ZWILCH: variants seen among roughly 807,000 people sequenced by gnomAD.
ZWILCH encodes protein zwilch homolog.
Under a neutral mutation model 79.9 loss-of-function variants are expected in ZWILCH, and 74 were observed. The ratio of observed to expected loss-of-function variants is 0.93; its 90% confidence interval spans 0.77 to 1.12. The LOEUF (loss-of-function observed/expected upper bound fraction) is 1.12, where lower values mean the gene tolerates loss of function less well. Ranked by LOEUF, ZWILCH falls within the 50% of genes most tolerant of loss-of-function variation. The pLI, the probability that ZWILCH is intolerant of heterozygous loss-of-function variation, is 0.00. For synonymous variants in ZWILCH, 241 were observed against 228.2 expected, an observed-to-expected ratio of 1.06 and a Z score of -0.51; for missense variants, 694 against 687.5, an observed-to-expected ratio of 1.01 and a Z score of -0.11.
chr15:66,521,483 C>T lies in ZWILCH; in HGVS notation c.747+278C>T, dbSNP rs144805977. Reference sequence around the variant, plus strand: ...TTTTGAGTGGTGGCTCAAGTGAATCCGTGTTTTTGTTTGTTTGTTTGTTTT... The same window carrying T: ...TTTTGAGTGGTGGCTCAAGTGAATCTGTGTTTTTGTTTGTTTGTTTGTTTT... On this transcript the variant is annotated intron_variant, in intron 7 of 18. Coordinates refer to ENST00000307897, the MANE Select transcript of ZWILCH (RefSeq NM_017975.5). Among the ~76,000 whole-genome samples the T allele has an allele frequency of 4.6e-3, 701 of 151,912 alleles. 7 individuals carry two copies. Among genetic ancestry groups the T allele is most frequent in the African/African-American group, 0.016 (667 of 41,460 alleles).
chr15:66,505,329 T>G lies in ZWILCH; in HGVS notation c.-10T>G. ...TGGCGGTTCCGGTACCGCTCTCACA[T>G]TGGGGCGGGATGTGGGAGCGGCTGA... On this transcript the variant is annotated 5_prime_UTR_variant, in exon 1 of 19. Coordinates refer to ENST00000307897, the MANE Select transcript of ZWILCH (RefSeq NM_017975.5). The G allele has an allele frequency of 6.2e-6, 10 of 1,613,598 alleles. No individual in the cohort carries two copies. Among genetic ancestry groups the G allele is most frequent in the South Asian group, 2.2e-5 (2 of 91,054 alleles).
At position 66,527,272 on chromosome 15, in the gene ZWILCH, T is replaced by G; in HGVS notation, c.820-18T>G. On this transcript the variant is annotated intron_variant, in intron 8 of 18. Coordinates refer to ENST00000307897, the MANE Select transcript of ZWILCH (RefSeq NM_017975.5). ...GTTTTCTGCTAACAAGTTTTTGGGG[T>G]TTTTAAATCTCCTGTAGGTTTTGGC... The G allele has an allele frequency of 6.2e-7, 1 of 1,604,660 alleles. No homozygotes were observed. The highest frequency in any genetic ancestry group is 8.5e-7 in the Non-Finnish European group (1 of 1,173,038).
Position 66,548,336 on chromosome 15 carries a change from A to T in ZWILCH, c.*27-15A>T. 2.3e-6 allele frequency: 1 copy of T among 427,588 alleles called. No individual in the cohort carries two copies. The allele number at this position is 427,588 out of a possible 1,614,324, so 26.5% of individuals were successfully genotyped here. On this transcript the variant is annotated splice_polypyrimidine_tract_variant and intron_variant, in intron 18 of 18. Transcript: ENST00000307897. ...AATTTCTGCTTATTTTTATTTTCTA[A>T]TTCTTAAATCCCAGCACAAGCCAAA... is the stretch of plus-strand genomic sequence containing the variant.
chr15:66,520,227 C>G (rs965942974), intron 5 of ZWILCH, among the ~76,000 whole-genome samples: 1 of 152,016 alleles, frequency 6.6e-6, no homozygotes, highest in Non-Finnish European at 1.5e-5. Flanking sequence ...CTCAGGCAAT[C>G]CTCTCACCGC....
At chr15:66,539,677 C>T (rs1200193092) in intron 16 of ZWILCH, among the ~76,000 whole-genome samples, 1 of 152,198 alleles carries the variant, frequency 6.6e-6, no homozygotes, top group Non-Finnish European at 1.5e-5. Flanking sequence ...TGCTGTGTTA[C>T]TGCATTTCTT....
Position 66,514,052 on chromosome 15 carries a change from A to C in ZWILCH, c.170A>C (p.Glu57Ala). Residue 57 changes from glutamate to alanine, a missense_variant, in exon 3 of 19, where the codon GAA becomes GCA. Physicochemically the swap from Glu to Ala is moderately radical, Grantham distance 107. Transcript: ENST00000307897. ...QPNPLKNILNENDIVFIVEKV... is the reference protein window; with the variant it reads ...QPNPLKNILNANDIVFIVEKV... ...AACCCTTTGAAAAATATTCTAAATG[A>C]AAATGACATAGTATTCATAGTGGAA... 6.2e-7 allele frequency: 1 copy of C among 1,611,936 alleles called. No individual in the cohort carries two copies. The highest frequency in any genetic ancestry group is 2.2e-5 in the East Asian group (1 of 44,780).
intron 7 of ZWILCH, 113 bp from the exon 8 acceptor site, chr15:66,523,564 T>G: frequency 1.5e-6 from 1 of 668,180 alleles, no homozygotes; most frequent in Non-Finnish European, 2.6e-6. Context: ...CATTGGTCCT[T>G]TATGAAATAT....
intron 4 of ZWILCH, among the ~76,000 whole-genome samples, chr15:66,517,381 CTA>C (rs1421485125): frequency 7.5e-6 from 1 of 132,718 alleles, no homozygotes; most frequent in Non-Finnish European, 1.6e-5. Flanking sequence ...ATGTTTATAA[CTA>C]TTGTTATACC....
At position 66,548,517 on chromosome 15, in the gene ZWILCH, T is replaced by C; in HGVS notation, c.*193T>C. The C allele has an allele frequency of 6.2e-7, 1 of 1,610,372 alleles. No homozygotes were observed. The highest frequency in any genetic ancestry group is 8.5e-7 in the Non-Finnish European group (1 of 1,176,850). Reference sequence around the variant, plus strand: ...AGCTCTGCCTCCTCAGGAGGAGCATTAGTAGAACAGCAGTGATGAGGACAC... The same window carrying C: ...AGCTCTGCCTCCTCAGGAGGAGCATCAGTAGAACAGCAGTGATGAGGACAC... On this transcript the variant is annotated 3_prime_UTR_variant, in exon 19 of 19. Coordinates refer to ENST00000307897, the MANE Select transcript of ZWILCH (RefSeq NM_017975.5).
chr15:66,508,822 A>T lies in ZWILCH; in HGVS notation c.54-19A>T, dbSNP rs763455362. ...GAGATAATGTAGTTCTGTTTTTCAC[A>T]TGTGGTTCTGCGTTTCAGGAAATTT... On this transcript the variant is annotated intron_variant, in intron 1 of 18. Coordinates refer to ENST00000307897, the MANE Select transcript of ZWILCH (RefSeq NM_017975.5). 1.2e-5 allele frequency: 20 copies of T among 1,613,822 alleles called. No individual in the cohort carries two copies. Among genetic ancestry groups the T allele is most frequent in the Non-Finnish European group, 1.5e-5 (18 of 1,179,896 alleles).
At position 66,513,985 on chromosome 15, in the gene ZWILCH, C is replaced by T; in HGVS notation, c.106-3C>T. On this transcript the variant is annotated splice_region_variant and splice_polypyrimidine_tract_variant and intron_variant, in intron 2 of 18. Transcript: ENST00000307897. ...TAATGTTGCTCGATACCTGTTTTAA[C>T]AGGCTGATGTCCAAGTGCAGTTGAT... 1 of 1,606,102 alleles carries T rather than the reference C, an allele frequency of 6.2e-7. No homozygotes were observed. The highest frequency in any genetic ancestry group is 8.5e-7 in the Non-Finnish European group (1 of 1,176,422).
chr15:66,515,634 G>A lies in ZWILCH; in HGVS notation c.310G>A (p.Gly104Arg). The change falls in exon 4 of 19, where the codon GGG becomes AGG. Residue 104 changes from glycine to arginine, a missense_variant. Transcript: ENST00000307897. ...ENVGPLALPVGKARQLIGLYT... is the reference protein window; with the variant it reads ...ENVGPLALPVRKARQLIGLYT... The stretch of plus-strand genomic sequence containing the variant: ...TGTTGGACCACTTGCTTTACCAGTT[G>A]GGAAGGCAAGGTAGGTTTTCTCTTA... 1.2e-6 allele frequency: 2 copies of A among 1,611,376 alleles called. No individual in the cohort carries two copies. Among genetic ancestry groups the A allele is most frequent in the South Asian group, 1.1e-5 (1 of 90,778 alleles).
chr15:66,527,970 T>C (rs1369701423), intron 10 of ZWILCH, 58 bp downstream of exon 10: 3 of 1,429,172 alleles, frequency 2.1e-6, no homozygotes, highest in Non-Finnish European at 1.9e-6. Context: ...AATTCGGTTA[T>C]GCTGACATCT....
At chr15:66,533,836 T>TA (rs201341895) in intron 14 of ZWILCH, among the ~76,000 whole-genome samples, 2,007 of 152,076 alleles carry the variant, frequency 0.013, 21 homozygotes, top group Non-Finnish European at 0.022. Flanking sequence ...TTAAAAAAAA[T>TA]ACGCTGGGCA....
intron 2 of ZWILCH, among the ~76,000 whole-genome samples, chr15:66,512,539 T>C (rs1381418247): frequency 6.6e-6 from 1 of 151,960 alleles, no homozygotes. Flanking sequence ...GGTGCCAATG[T>C]GTCCAGCATA....
chr15:66,511,645 G>A (rs998473444), intron 2 of ZWILCH, among the ~76,000 whole-genome samples: 2 of 151,792 alleles, frequency 1.3e-5, no homozygotes, highest in African/African-American at 4.8e-5. Context: ...TTGAGATGGA[G>A]TCACTCTGTC....
In ZWILCH at chr15:66,510,435, A is replaced by T. The variant is rs183252613; in HGVS notation, c.105+1543A>T. On this transcript the variant is annotated intron_variant, in intron 2 of 18. Transcript: ENST00000307897. ...AAAGACAAAAAAGTATAAAAGAAGA[A>T]TAGGCAAAGGACACGAGTAAGTAAT... 5.0e-3 allele frequency among the ~76,000 whole-genome samples: 763 copies of T among 151,970 alleles called. 12 individuals are homozygous for T. Among genetic ancestry groups the T allele is most frequent in the Non-Finnish European group, 5.7e-3 (384 of 67,944 alleles).
chr15:66,525,320 G>C (rs1049421043), intron 8 of ZWILCH, among the ~76,000 whole-genome samples: 2 of 152,164 alleles, frequency 1.3e-5, no homozygotes, highest in East Asian at 3.9e-4. Context: ...GCTGGCACAA[G>C]TTCATTTAAA....
chr15:66,518,195 C>T (rs536493559), intron 4 of ZWILCH, among the ~76,000 whole-genome samples: 92 of 151,958 alleles, frequency 6.1e-4, no homozygotes, highest in African/African-American at 2.2e-3. Context: ...GCATTTTGAT[C>T]TGCCTGGTGA....
Sources: allele counts gnomAD v4.1 joint callset (sites outside exome capture counted in the v4.1 genomes callset), GRCh38; gene constraint gnomAD v4.1.1; transcripts MANE v1.5; gene names NCBI Gene and HGNC (gene_info 2026-07-23, HGNC 2026-07-21).